The following MAX variants were observed in gnomAD, a reference collection of about 807,000 sequenced individuals.
The protein encoded by MAX is protein max.
Under a neutral mutation model 22.3 loss-of-function variants are expected in MAX, and 3 were observed. That is an observed-to-expected ratio of 0.13 (90% CI 0.06 to 0.35). The LOEUF (loss-of-function observed/expected upper bound fraction) is 0.35, where lower values mean the gene tolerates loss of function less well. Among genes scored for constraint, MAX ranks in the 10% least tolerant of loss-of-function variants. The pLI is 1.00. For synonymous variants in MAX, 72 were observed against 77.7 expected (o/e 0.93, Z 0.39); for missense variants, 119 against 209.4 (o/e 0.57, Z 2.66).
intron 3 of MAX, among the ~76,000 whole-genome samples, chr14:65,025,085 A>G (rs1426464411): frequency 6.6e-6 from 1 of 152,160 alleles, no homozygotes; most frequent in Non-Finnish European, 1.5e-5. Context: ...GTTCTGTAAT[A>G]CGGAAGTGTC....
chr14:65,020,068 A>G (rs530345612), intron 3 of MAX, among the ~76,000 whole-genome samples: 1 of 152,050 alleles, frequency 6.6e-6, no homozygotes, highest in Admixed American at 6.5e-5. Flanking sequence ...TGTAACACAC[A>G]CGCCCCCTAC....
intron 3 of MAX, among the ~76,000 whole-genome samples, chr14:65,063,181 C>G (rs1205555083): frequency 6.6e-6 from 1 of 152,182 alleles, no homozygotes; most frequent in African/African-American, 2.4e-5. Context: ...TGTAAATAAG[C>G]CAAATGCACA....
At chr14:65,101,443 A>T (rs907775598) in intron 2 of MAX, 103 bp downstream of exon 2, 87 of 1,077,006 alleles carry the variant, frequency 8.1e-5, no homozygotes, top group Admixed American at 1.7e-4. Context: ...ATTAGAGTTT[A>T]CTACAATATT....
At chr14:65,010,877 T>A (rs756270383) in intron 3 of MAX, among the ~76,000 whole-genome samples, 49 of 152,214 alleles carry the variant, frequency 3.2e-4, no homozygotes, top group African/African-American at 1.2e-3. Flanking sequence ...TGCAGCATAG[T>A]AGAGTAGCCA....
At position 65,084,695 on chromosome 14, in the gene MAX, C is replaced by T. The variant is rs565513914; in HGVS notation, c.172-6659G>A. 2.0e-5 allele frequency among the ~76,000 whole-genome samples: 3 copies of T among 152,004 alleles called. No homozygotes were observed. Among genetic ancestry groups the T allele is most frequent in the Non-Finnish European group, 4.4e-5 (3 of 68,020 alleles). Reference sequence around the variant, plus strand: ...ACCCCAATTGCCCAAAAGAAACATGCCTAATGACTAAACATGAGCACACTG... The same window carrying T: ...ACCCCAATTGCCCAAAAGAAACATGTCTAATGACTAAACATGAGCACACTG... On this transcript the variant is annotated intron_variant, in intron 3 of 4. Coordinates refer to ENST00000358664, the MANE Select transcript of MAX (RefSeq NM_002382.5). The surrounding 1 kb of genome is among the most constrained non-coding windows in gnomAD (Gnocchi z 4.3).
intron 3 of MAX, among the ~76,000 whole-genome samples, chr14:65,022,287 T>G (rs967904844): frequency 2.7e-5 from 4 of 149,604 alleles, no homozygotes; most frequent in African/African-American, 4.9e-5. Flanking sequence ...TTTTTCTGTT[T>G]TTTTTTTTTT....
Position 65,031,272 on chromosome 14 carries a change from GGATGGAACAGCAAGAAT to G in MAX, c.172-25005_172-24989del, listed in dbSNP as rs1207328559. 6.6e-6 allele frequency among the ~76,000 whole-genome samples: 1 copy of G among 152,006 alleles called. No individual in the cohort carries two copies. The highest frequency in any genetic ancestry group is 1.5e-5 in the Non-Finnish European group (1 of 67,992). ...GCCCCGAGAAGAATTAGGGCTGGGA[GGATGGAACAGCAAGAAT>G]GATCCTAAATCAAGTATAATAATTT... is the stretch of plus-strand genomic sequence containing the variant. On this transcript the variant is annotated intron_variant, in intron 3 of 3. Coordinates refer to the MAX transcript ENST00000341653. This position sits in a 1 kb window ranked among gnomAD's most constrained non-coding sequence, Gnocchi z 4.6.
chr14:65,037,345 C>A (rs1367027273), intron 3 of MAX, among the ~76,000 whole-genome samples: 1 of 134,618 alleles, frequency 7.4e-6, no homozygotes, highest in South Asian at 2.6e-4. Flanking sequence ...CTCAAGTGAT[C>A]GCCTGCCTCG....
At chr14:65,045,253 G>A (rs913225393) in intron 3 of MAX, among the ~76,000 whole-genome samples, 2 of 152,272 alleles carry the variant, frequency 1.3e-5, no homozygotes, top group South Asian at 4.1e-4. Flanking sequence ...GGGCCCTGCT[G>A]GTTGCTGATC....
chr14:65,052,991 T>A (rs2062648125), intron 3 of MAX, among the ~76,000 whole-genome samples: 1 of 152,192 alleles, frequency 6.6e-6, no homozygotes, highest in Non-Finnish European at 1.5e-5. Context: ...CCATCCACGT[T>A]AACAGGGTGC....
rs1595099290 is a variant in MAX at position 65,054,517 on chromosome 14, C to A, written c.171+39191G>T. The A allele has an allele frequency of 5.9e-6, 9 of 1,535,414 alleles. No individual in the cohort carries two copies. The highest frequency in any genetic ancestry group is 8.9e-7 in the Non-Finnish European group (1 of 1,127,176). On this transcript the variant is annotated intron_variant, in intron 3 of 3. Transcript: ENST00000341653. This position sits in a 1 kb window ranked among gnomAD's most constrained non-coding sequence, Gnocchi z 4.4. ...AGTGGTCTCTGAATTGGTGTGGCTACATTTGTAGATGTGTGCGGAGCAGAG... is the reference window on the plus strand; with the variant it reads ...AGTGGTCTCTGAATTGGTGTGGCTAAATTTGTAGATGTGTGCGGAGCAGAG...
chr14:65,067,184 TAAA>T (rs111423249), intron 3 of MAX, among the ~76,000 whole-genome samples: 2 of 133,456 alleles, frequency 1.5e-5, no homozygotes, highest in Non-Finnish European at 1.6e-5. Context: ...GACCCTGTCT[TAAA>T]AAAAAAAAAA....
At chr14:65,041,018 G>A (rs2062340764) in intron 3 of MAX, 2 of 1,530,444 alleles carry the variant, frequency 1.3e-6, no homozygotes, top group Non-Finnish European at 1.8e-6. Context: ...CTATGGGAAG[G>A]GCTAAGAGAG....
chr14:65,021,786 C>G (rs546559007), intron 3 of MAX, among the ~76,000 whole-genome samples: 1 of 152,190 alleles, frequency 6.6e-6, no homozygotes, highest in South Asian at 2.1e-4. Flanking sequence ...GCTGGGACTA[C>G]GGGCGCATGC....
chr14:65,077,865 T>C lies in MAX; in HGVS notation c.295+48A>G. On this transcript the variant is annotated intron_variant, in intron 4 of 4. Transcript: ENST00000358664. The surrounding 1 kb of genome is among the most constrained non-coding windows in gnomAD (Gnocchi z 6.3). Reference sequence around the variant, plus strand: ...CAGGCCCAGGTGCCAAAGCCTGACCTGGCTGGAGCACAGCAGGGCCAGCTG... The same window carrying C: ...CAGGCCCAGGTGCCAAAGCCTGACCCGGCTGGAGCACAGCAGGGCCAGCTG... 1 of 1,614,222 alleles carries C rather than the reference T, an allele frequency of 6.2e-7. No homozygotes were observed. Among genetic ancestry groups the C allele is most frequent in the Non-Finnish European group, 8.5e-7 (1 of 1,180,032 alleles).
intron 3 of MAX, among the ~76,000 whole-genome samples, chr14:65,034,400 A>G (rs1248665111): frequency 6.6e-6 from 1 of 152,238 alleles, no homozygotes; most frequent in African/African-American, 2.4e-5. Context: ...ATACATTTTT[A>G]ATATCTTGCA....
rs4899160 is a variant in MAX at position 65,014,494 on chromosome 14, C to T, written c.172-8210G>A. Among the ~76,000 whole-genome samples, 37,558 of 152,068 alleles carry T rather than the reference C, an allele frequency of 0.25. 4,837 individuals are homozygous for T. Among genetic ancestry groups the T allele is most frequent in the Non-Finnish European group, 0.3 (20,102 of 67,986 alleles). On this transcript the variant is annotated intron_variant, in intron 3 of 3. Coordinates refer to the MAX transcript ENST00000341653. This position sits in a 1 kb window ranked among gnomAD's most constrained non-coding sequence, Gnocchi z 5.1. ...CTCTCTTCCCCTACAGGTAACCACA[C>T]ACATTCTATATCCCAAGCATCTCAA... is the stretch of plus-strand genomic sequence containing the variant.
At chr14:65,096,970 T>A (rs2063692833) in intron 2 of MAX, among the ~76,000 whole-genome samples, 1 of 152,196 alleles carries the variant, frequency 6.6e-6, no homozygotes, top group Non-Finnish European at 1.5e-5. Flanking sequence ...CGTCTGGATG[T>A]CTGCCAGAAA....
Position 65,075,294 on chromosome 14 carries a change from C to T in MAX, c.*1182G>A, listed in dbSNP as rs781106740. 13 of 1,061,396 alleles carry T rather than the reference C, an allele frequency of 1.2e-5. No individual in the cohort carries two copies. The highest frequency in any genetic ancestry group is 4.6e-5 in the South Asian group (1 of 21,930). The allele number at this position is 1,061,396 out of a possible 1,614,324, so 65.7% of individuals were successfully genotyped here. A position where few individuals can be genotyped will look rare whatever the true frequency, so the allele number is the denominator to read the frequency against. On this transcript the variant is annotated 3_prime_UTR_variant, in exon 5 of 5. Coordinates refer to ENST00000358664, the MANE Select transcript of MAX (RefSeq NM_002382.5). The surrounding 1 kb of genome is among the most constrained non-coding windows in gnomAD (Gnocchi z 4.1). ...ACTAGAAATCAGCAAATGCCAGGAA[C>T]GGAGTAGGAAAAAGACAAAGAAATG...
Sources: gnomAD v4.1 joint callset for allele counts (sites outside exome capture counted in the v4.1 genomes callset) on GRCh38, gnomAD v4.1.1 for gene constraint, Gnocchi (gnomAD v3.1) non-coding constraint, MANE v1.5 for transcripts, NCBI Gene and HGNC (gene_info 2026-07-23, HGNC 2026-07-21) for gene names.